Variants in NCOA1 observed in about 807,000 individuals in gnomAD.
NCOA1 encodes the protein Hin-2 protein.
A neutral mutation model predicts 150.9 loss-of-function variants in NCOA1; 35 were observed. The observed-to-expected ratio is 0.23, with a 90% CI of 0.18 to 0.31. NCOA1 has a LOEUF of 0.31. Among genes scored for constraint, NCOA1 ranks in the 10% least tolerant of loss-of-function variants. NCOA1 has a pLI of 1.00. For missense variants in NCOA1, 1,491 were observed against 1,749.3 expected (o/e 0.85, Z 2.63); for synonymous variants, 590 against 630.0 (o/e 0.94, Z 0.95).
At chr2:24,704,375 G>T (rs1303751498) in intron 11 of NCOA1, among the ~76,000 whole-genome samples, 1 of 152,048 alleles carries the variant, frequency 6.6e-6, no homozygotes, top group African/African-American at 2.4e-5. Flanking sequence ...CAGCAAAAGA[G>T]AAAACAAACT....
intron 4 of NCOA1, among the ~76,000 whole-genome samples, chr2:24,656,988 A>T (rs974883003): frequency 1.1e-4 from 16 of 152,238 alleles, no homozygotes. Context: ...GCATATTTGT[A>T]GGATTGCTGT....
At chr2:24,548,677 T>C (rs534393621) in intron 1 of NCOA1, among the ~76,000 whole-genome samples, 1 of 152,090 alleles carries the variant, frequency 6.6e-6, no homozygotes, top group African/African-American at 2.4e-5. Context: ...ATGGGAGAAA[T>C]TGGCCAAAAC....
At chr2:24,625,665 T>C (rs1321785673) in intron 3 of NCOA1, among the ~76,000 whole-genome samples, 1 of 152,102 alleles carries the variant, frequency 6.6e-6, no homozygotes, top group Non-Finnish European at 1.5e-5. Context: ...AACACTGCCT[T>C]CTCTGTGCTC....
chr2:24,605,744 A>G (rs1249100741), intron 3 of NCOA1, among the ~76,000 whole-genome samples: 2 of 152,196 alleles, frequency 1.3e-5, no homozygotes, highest in Admixed American at 6.5e-5. Flanking sequence ...CCTCTGTTGC[A>G]TCAGGAATGG....
In NCOA1 at chr2:24,535,191, T is replaced by C. The variant is rs1391357094; in HGVS notation, c.-395-29104T>C. On this transcript the variant is annotated intron_variant, in intron 1 of 22. Coordinates refer to ENST00000348332, the MANE Select transcript of NCOA1 (RefSeq NM_003743.5). Reference sequence around the variant, plus strand: ...GCTTTTCTTGTTGAATTGATCCCTTTACCATTATGTAATGGCCTTCTTTGT... The same window carrying C: ...GCTTTTCTTGTTGAATTGATCCCTTCACCATTATGTAATGGCCTTCTTTGT... Among the ~76,000 whole-genome samples the C allele has an allele frequency of 2.0e-5, 3 of 152,200 alleles. No homozygotes were observed. The East Asian group carries it at 5.8e-4, about 29-fold the overall frequency.
chr2:24,532,031 C>G (rs1664922871), intron 1 of NCOA1, among the ~76,000 whole-genome samples: 1 of 152,192 alleles, frequency 6.6e-6, no homozygotes, highest in Admixed American at 6.5e-5. Flanking sequence ...GGAATTGCTA[C>G]ACTGTTTTAC....
intron 4 of NCOA1, among the ~76,000 whole-genome samples, chr2:24,654,978 C>T (rs946051706): frequency 8.5e-5 from 13 of 152,168 alleles, no homozygotes; most frequent in Non-Finnish European, 1.6e-4. Context: ...TCCACTTCCA[C>T]ATACCTAAGC....
intron 7 of NCOA1, 120 bp from the exon 8 acceptor site, chr2:24,682,831 T>G: frequency 1.3e-6 from 1 of 773,844 alleles, no homozygotes; most frequent in Non-Finnish European, 2.0e-6. Context: ...ACAATTTCCT[T>G]GAGGACAGAG....
intron 1 of NCOA1, among the ~76,000 whole-genome samples, chr2:24,498,289 A>G (rs1196781690): frequency 6.6e-6 from 1 of 152,250 alleles, no homozygotes; most frequent in Non-Finnish European, 1.5e-5. Flanking sequence ...ACTTTGTTCA[A>G]GGTGCTGTGC....
chr2:24,737,800 G>A (rs983753630), intron 17 of NCOA1, among the ~76,000 whole-genome samples: 1 of 152,146 alleles, frequency 6.6e-6, no homozygotes, highest in Non-Finnish European at 1.5e-5. Flanking sequence ...CCACTCAATA[G>A]GGAACGGAAC....
At position 24,585,011 on chromosome 2, in the gene NCOA1, C is replaced by T. The variant is rs984285666; in HGVS notation, c.-175+451C>T. Among the ~76,000 whole-genome samples the T allele has an allele frequency of 2.3e-4, 35 of 152,128 alleles. 1 individual carries two copies. The highest frequency in any genetic ancestry group is 3.7e-4 in the Non-Finnish European group (25 of 68,032). On this transcript the variant is annotated intron_variant, in intron 3 of 22. Coordinates refer to ENST00000348332, the MANE Select transcript of NCOA1 (RefSeq NM_003743.5). Reference sequence around the variant, plus strand: ...GTGAGGCTAGAATTGAAGACTTTCCCAAATTTTAATAATACTGTTGGCTTT... The same window carrying T: ...GTGAGGCTAGAATTGAAGACTTTCCTAAATTTTAATAATACTGTTGGCTTT...
chr2:24,746,513 G>C (rs1277351272), intron 19 of NCOA1, among the ~76,000 whole-genome samples: 1 of 152,162 alleles, frequency 6.6e-6, no homozygotes, highest in Non-Finnish European at 1.5e-5. Context: ...CTGCACTCTA[G>C]TCTGGGCAAT....
Position 24,689,869 on chromosome 2 carries a change from A to G in NCOA1, c.533-1612A>G, listed in dbSNP as rs141269014. Among the ~76,000 whole-genome samples, 388 of 152,198 alleles carry G rather than the reference A, an allele frequency of 2.5e-3. 6 individuals carry two copies. Among genetic ancestry groups the G allele is most frequent in the African/African-American group, 1.2e-3 (49 of 41,524 alleles). ...CCTTTCCTTCCACTCTTTAGCCTATATATGCTCCAAAAGTGGAGGGGAGGA... is the reference window on the plus strand; with the variant it reads ...CCTTTCCTTCCACTCTTTAGCCTATGTATGCTCCAAAAGTGGAGGGGAGGA... On this transcript the variant is annotated intron_variant, in intron 8 of 22. Coordinates refer to ENST00000348332, the MANE Select transcript of NCOA1 (RefSeq NM_003743.5).
chr2:24,705,393 T>C (rs528267341), intron 12 of NCOA1, among the ~76,000 whole-genome samples, 160 bp downstream of exon 12: 1 of 152,278 alleles, frequency 6.6e-6, no homozygotes, highest in Admixed American at 6.5e-5. Flanking sequence ...TATTGGGTTT[T>C]ATAGTTTTAT....
At chr2:24,743,151 A>G (rs990992304) in intron 19 of NCOA1, among the ~76,000 whole-genome samples, 6 of 152,224 alleles carry the variant, frequency 3.9e-5, no homozygotes, top group African/African-American at 1.2e-4. Context: ...TTAATTGTCA[A>G]TTCCTGAAAA....
chr2:24,760,598 G>T (rs1664742658), intron 21 of NCOA1, among the ~76,000 whole-genome samples: 1 of 152,042 alleles, frequency 6.6e-6, no homozygotes, highest in Non-Finnish European at 1.5e-5. Flanking sequence ...TAAAGATGTT[G>T]CTCCACTACA....
At chr2:24,548,805 T>C (rs964010195) in intron 1 of NCOA1, among the ~76,000 whole-genome samples, 1 of 152,146 alleles carries the variant, frequency 6.6e-6, no homozygotes, top group Non-Finnish European at 1.5e-5. Flanking sequence ...TTGCGAGGGG[T>C]GGGTTCCCAA....
chr2:24,615,290 A>ATC (rs901044931), intron 3 of NCOA1, among the ~76,000 whole-genome samples: 2 of 152,220 alleles, frequency 1.3e-5, no homozygotes, highest in African/African-American at 4.8e-5. Context: ...TTAGGCATGA[A>ATC]TCTCTGCTCA....
intron 14 of NCOA1, among the ~76,000 whole-genome samples, chr2:24,714,598 GA>G (rs1389425582): frequency 6.6e-6 from 1 of 151,388 alleles, no homozygotes; most frequent in African/African-American, 2.4e-5. Context: ...GACACTGCAG[GA>G]AAAAAAGAGC....
Sources: gnomAD v4.1 joint callset for allele counts (sites outside exome capture counted in the v4.1 genomes callset) on GRCh38, gnomAD v4.1.1 for gene constraint, MANE v1.5 for transcripts, NCBI Gene and HGNC (gene_info 2026-07-23, HGNC 2026-07-21) for gene names.